SEL1L3: variants seen among roughly 807,000 people sequenced by gnomAD.
SEL1L3 encodes the protein SEL1L family member 3.
Under a neutral mutation model 142.8 loss-of-function variants are expected in SEL1L3, and 76 were observed. The observed-to-expected ratio is 0.53, with a 90% CI of 0.44 to 0.64. The LOEUF is 0.64. Among genes scored for constraint, SEL1L3 ranks in the 30% least tolerant of loss-of-function variants. The probability of loss-of-function intolerance (pLI) is 0.00; values close to 1 mark genes in which losing one functional copy is unlikely to be tolerated. For synonymous variants in SEL1L3, 504 were observed against 519.6 expected (o/e 0.97, Z 0.41); for missense variants, 1,262 against 1,381.7 (o/e 0.91, Z 1.37).
intron 12 of SEL1L3, among the ~76,000 whole-genome samples, chr4:25,790,140 T>C (rs1325790482): frequency 1.3e-5 from 2 of 152,168 alleles, no homozygotes; most frequent in African/African-American, 4.8e-5. Flanking sequence ...TGGCAGAACT[T>C]GAAGTCAAGA....
rs1715521688 is a variant in SEL1L3, at chr4:25,832,653, C to T, written c.1098+342G>A. 2.0e-5 allele frequency among the ~76,000 whole-genome samples: 3 copies of T among 152,146 alleles called. No homozygotes were observed. In the South Asian group the frequency reaches 6.2e-4, roughly 32 times the overall value. On this transcript the variant is annotated intron_variant, in intron 5 of 23. Coordinates refer to ENST00000399878, the MANE Select transcript of SEL1L3 (RefSeq NM_015187.5). ...TGTACATCTGATTACACTATATAAACATGGCCAATATTGTTTTAACATTTA... is the reference window on the plus strand; with the variant it reads ...TGTACATCTGATTACACTATATAAATATGGCCAATATTGTTTTAACATTTA...
At chr4:25,839,735 C>T (rs148071895) in intron 2 of SEL1L3, among the ~76,000 whole-genome samples, 168 of 152,328 alleles carry the variant, frequency 1.1e-3, no homozygotes, top group South Asian at 8.3e-3. Context: ...GAAACTTACT[C>T]GTTCCCCTAA....
In SEL1L3 at chr4:25,788,183, T is replaced by G. The variant is rs563735289; in HGVS notation, c.2217+41A>C. The G allele has an allele frequency of 6.2e-7, 1 of 1,605,408 alleles. No individual in the cohort carries two copies. The highest frequency in any genetic ancestry group is 1.7e-5 in the Admixed American group (1 of 59,876). On this transcript the variant is annotated intron_variant, in intron 13 of 23. Transcript: ENST00000399878. The surrounding 1 kb of genome is among the most constrained non-coding windows in gnomAD (Gnocchi z 5.3). ...CACAGGAAACTGCTCAGGAGTCTGATAAGAATTGCACAATTTCAGCACGAA... is the reference window on the plus strand; with the variant it reads ...CACAGGAAACTGCTCAGGAGTCTGAGAAGAATTGCACAATTTCAGCACGAA...
At chr4:25,839,714 G>T (rs980017241) in intron 2 of SEL1L3, among the ~76,000 whole-genome samples, 5 of 152,186 alleles carry the variant, frequency 3.3e-5, no homozygotes, top group Non-Finnish European at 7.3e-5. Context: ...GATTCGAGGG[G>T]GAGGGGTGTG....
chr4:25,776,520 C>A, intron 16 of SEL1L3, 160 bp from the exon 17 acceptor site: 1 of 580,058 alleles, frequency 1.7e-6, no homozygotes, highest in South Asian at 2.1e-5. Context: ...AAAGAAAATG[C>A]ATTCTGAGAG....
intron 11 of SEL1L3, among the ~76,000 whole-genome samples, chr4:25,796,868 G>GAA (rs10708744): frequency 7.0e-6 from 1 of 142,458 alleles, no homozygotes; most frequent in Non-Finnish European, 1.5e-5. Flanking sequence ...CATAAAGACA[G>GAA]AAAAAAAAAA....
intron 1 of SEL1L3, among the ~76,000 whole-genome samples, chr4:25,860,192 G>A (rs552425498): frequency 1.3e-5 from 2 of 152,260 alleles, no homozygotes; most frequent in East Asian, 1.9e-4. Context: ...GCCTATAAAC[G>A]ATTTAGCACA....
At chr4:25,778,286 T>C (rs1577588721) in intron 16 of SEL1L3, among the ~76,000 whole-genome samples, 2 of 152,136 alleles carry the variant, frequency 1.3e-5, no homozygotes, top group East Asian at 1.9e-4. Flanking sequence ...GACAGCATTG[T>C]CCTGAACAAA....
chr4:25,833,472 G>A lies in SEL1L3; in HGVS notation c.958C>T (p.Pro320Ser). 1 of 1,612,428 alleles carries A rather than the reference G, an allele frequency of 6.2e-7. No individual in the cohort carries two copies. The highest frequency in any genetic ancestry group is 1.1e-5 in the South Asian group (1 of 90,792). ...FVDSNEMYGT[P>S]SVFLTEEGYL... Reference sequence around the variant, plus strand: ...CCCTCTTCCGTAAGAAATACAGAAGGTGTGCCGTACATCTCATTAGAGTCA... The same window carrying A: ...CCCTCTTCCGTAAGAAATACAGAAGATGTGCCGTACATCTCATTAGAGTCA... Residue 320 changes from proline to serine, a missense_variant, in exon 4 of 24, where the codon CCT (proline) becomes TCT (serine). Around this residue, in one of 3 missense-constraint regions of SEL1L3, gnomAD observed 689 missense variants for 692.8 expected, o/e 0.99. Transcript: ENST00000399878.
intron 11 of SEL1L3, among the ~76,000 whole-genome samples, chr4:25,800,519 C>T (rs1050228279): frequency 1.2e-4 from 19 of 152,306 alleles, no homozygotes; most frequent in Middle Eastern, 3.4e-3. Context: ...AGCAACATAT[C>T]ATTTCCTGTT....
At chr4:25,786,653 A>C (rs1711860850) in intron 13 of SEL1L3, among the ~76,000 whole-genome samples, 1 of 152,186 alleles carries the variant, frequency 6.6e-6, no homozygotes, top group Non-Finnish European at 1.5e-5. Context: ...GAGCTCCCTG[A>C]GGTCATGGAC....
intron 2 of SEL1L3, among the ~76,000 whole-genome samples, chr4:25,846,164 G>A (rs1716494540): frequency 6.6e-6 from 1 of 152,206 alleles, no homozygotes; most frequent in African/African-American, 2.4e-5. Flanking sequence ...CATCCACAGA[G>A]CAAGGCGCTC....
At chr4:25,834,887 A>G (rs1715694068) in intron 3 of SEL1L3, among the ~76,000 whole-genome samples, 1 of 152,216 alleles carries the variant, frequency 6.6e-6, no homozygotes, top group South Asian at 2.1e-4. Flanking sequence ...CAAGGCTGCA[A>G]TGTGTGCTGG....
At chr4:25,847,235 C>A in intron 2 of SEL1L3, 59 bp downstream of exon 2, 2 of 1,400,496 alleles carry the variant, frequency 1.4e-6, no homozygotes, top group South Asian at 1.4e-5. Flanking sequence ...GCCATTCGAT[C>A]ATGATACAGG....
At chr4:25,777,562 A>G (rs1719719513) in intron 16 of SEL1L3, 2 of 281,420 alleles carry the variant, frequency 7.1e-6, no homozygotes, top group Non-Finnish European at 1.4e-5. Context: ...AAGCCATAAA[A>G]CATATACCAA....
rs558194499 is a variant in SEL1L3 at position 25,818,118 on chromosome 4, C to T, written c.1564+20G>A. 31 of 1,608,064 alleles carry T rather than the reference C, an allele frequency of 1.9e-5. No individual in the cohort carries two copies. Among genetic ancestry groups the T allele is most frequent in the African/African-American group, 2.7e-5 (2 of 74,872 alleles). ...AGCCTTTCTAACCAGCGCCTAAAGC[C>T]GAGGCAAAGACTCAATTACCGGTCA... On this transcript the variant is annotated intron_variant, in intron 9 of 23. Coordinates refer to ENST00000399878, the MANE Select transcript of SEL1L3 (RefSeq NM_015187.5).
chr4:25,806,239 G>A lies in SEL1L3; in HGVS notation c.1565-1487C>T, dbSNP rs187825823. On this transcript the variant is annotated intron_variant, in intron 9 of 23. Transcript: ENST00000399878. Reference sequence around the variant, plus strand: ...ATTTTAGTAGAGAGAGGGTTTCACCGTGTTAGCCAGGATGGTCTGGATTTC... The same window carrying A: ...ATTTTAGTAGAGAGAGGGTTTCACCATGTTAGCCAGGATGGTCTGGATTTC... 6.6e-5 allele frequency among the ~76,000 whole-genome samples: 10 copies of A among 151,872 alleles called. No homozygotes were observed. In the East Asian group the frequency reaches 9.7e-4, roughly 15 times the overall value.
At chr4:25,827,826 G>A (rs577895173) in intron 6 of SEL1L3, among the ~76,000 whole-genome samples, 11 of 150,216 alleles carry the variant, frequency 7.3e-5, no homozygotes, top group African/African-American at 2.4e-4. Flanking sequence ...GGAGCTGGAC[G>A]TGGGTTTCAG....
In SEL1L3 at chr4:25,847,587, T is replaced by G. The variant is rs774927168; in HGVS notation, c.440A>C (p.His147Pro). The G allele has an allele frequency of 1.2e-6, 2 of 1,613,898 alleles. No homozygotes were observed. The highest frequency in any genetic ancestry group is 1.3e-5 in the African/African-American group (1 of 74,922). Reference protein sequence around the residue: ...HLHTSRTQIVHVKFPSIMVYR... With the variant: ...HLHTSRTQIVPVKFPSIMVYR... Reference sequence around the variant, plus strand: ...AACCATAATGCTTGGAAATTTCACATGTACTATTTGTGTCCTGCTGGTGTG... The same window carrying G: ...AACCATAATGCTTGGAAATTTCACAGGTACTATTTGTGTCCTGCTGGTGTG... Residue 147 changes from histidine to proline, a missense_variant, in exon 2 of 24, where the codon CAT becomes CCT. His to Pro is a moderately conservative substitution (Grantham distance 77, BLOSUM62 -2). Coordinates refer to ENST00000399878, the MANE Select transcript of SEL1L3 (RefSeq NM_015187.5).
Sources: gnomAD v4.1 joint callset for allele counts (sites outside exome capture counted in the v4.1 genomes callset) on GRCh38, gnomAD v4.1.1 for gene constraint, gnomAD v4.1.1 regional missense constraint, Gnocchi (gnomAD v3.1) non-coding constraint, MANE v1.5 for transcripts, NCBI Gene and HGNC (gene_info 2026-07-23, HGNC 2026-07-21) for gene names.